TNFSF4: variants seen among roughly 807,000 people sequenced by gnomAD.
TNFSF4 encodes the protein tumor necrosis factor ligand superfamily member 4.
TNFSF4 carries 4 observed loss-of-function variants against 7.3 expected under a neutral mutation model. That is an observed-to-expected ratio of 0.55 (90% CI 0.27 to 1.25). The LOEUF is 1.25. TNFSF4 is among the 50% of genes most tolerant of loss of function. The probability of loss-of-function intolerance (pLI) is 0.12; values close to 1 mark genes in which losing one functional copy is unlikely to be tolerated. For missense variants in TNFSF4, 181 were observed against 208.8 expected (o/e 0.87, Z 0.82); for synonymous variants, 76 against 83.7 (o/e 0.91, Z 0.50).
rs375266956 is a variant in TNFSF4, at chr1:173,186,867, T to C, written c.203-2A>G. 6.4e-7 allele frequency: 1 copy of C among 1,559,266 alleles called. No individual in the cohort carries two copies. The highest frequency in any genetic ancestry group is 8.7e-7 in the Non-Finnish European group (1 of 1,152,186). On this transcript the variant is annotated splice_acceptor_variant, in intron 2 of 2. Transcript: ENST00000281834. LOFTEE classifies it high-confidence loss of function. ...TGAAACCTTTCTCCTTCTTATATTCTAGGGAGGATAGGGGAAAATTTGTTT... is the reference window on the plus strand; with the variant it reads ...TGAAACCTTTCTCCTTCTTATATTCCAGGGAGGATAGGGGAAAATTTGTTT...
chr1:173,442,713 G>A, the TNFSF4 span, among the ~76,000 whole-genome samples: 88 of 151,978 alleles, frequency 5.8e-4, no homozygotes, highest in Non-Finnish European at 1.1e-3. Flanking sequence ...ACCATGCCTG[G>A]CTAATTTTTG....
At chr1:173,325,494 A>G in the TNFSF4 span, among the ~76,000 whole-genome samples, 1 of 152,192 alleles carries the variant, frequency 6.6e-6, no homozygotes, top group East Asian at 1.9e-4. Flanking sequence ...AAGCTAGCAG[A>G]AGGCAAGAAA....
the TNFSF4 span, among the ~76,000 whole-genome samples, chr1:173,250,084 T>C: frequency 0.012 from 1,894 of 152,334 alleles, 34 homozygotes; most frequent in African/African-American, 0.044. Context: ...GAAAATTTAG[T>C]GCTGAGCATA....
the TNFSF4 span, among the ~76,000 whole-genome samples, chr1:173,240,202 T>C: frequency 6.6e-6 from 1 of 152,120 alleles, no homozygotes; most frequent in East Asian, 1.9e-4. Flanking sequence ...TACACAGAAT[T>C]GAGTTAAATA....
chr1:173,414,658 G>A, the TNFSF4 span, among the ~76,000 whole-genome samples: 1 of 152,238 alleles, frequency 6.6e-6, no homozygotes, highest in Non-Finnish European at 1.5e-5. Flanking sequence ...TCATAGAGCA[G>A]TGAGAAATGA....
chr1:173,262,457 C>T, the TNFSF4 span, among the ~76,000 whole-genome samples: 2 of 152,044 alleles, frequency 1.3e-5, no homozygotes, highest in Non-Finnish European at 2.9e-5. Flanking sequence ...TCCTATTCAA[C>T]CTAGTATTGG....
chr1:173,446,274 A>G, the TNFSF4 span, among the ~76,000 whole-genome samples: 2 of 152,184 alleles, frequency 1.3e-5, no homozygotes, highest in African/African-American at 4.8e-5. Flanking sequence ...ATAAAAAAAA[A>G]GAACCATCTT....
chr1:173,399,080 C>A, the TNFSF4 span, among the ~76,000 whole-genome samples: 8 of 152,174 alleles, frequency 5.3e-5, no homozygotes, highest in African/African-American at 1.7e-4. Context: ...ATCTGACCCA[C>A]CAAGCCATAA....
chr1:173,282,462 A>ATT, the TNFSF4 span, among the ~76,000 whole-genome samples: 19 of 146,580 alleles, frequency 1.3e-4, no homozygotes, highest in Admixed American at 2.7e-4. Context: ...CACAGTCTAA[A>ATT]TTTTTTTTTT....
chr1:173,441,185 C>A, the TNFSF4 span, among the ~76,000 whole-genome samples: 1 of 152,180 alleles, frequency 6.6e-6, no homozygotes, highest in Admixed American at 6.5e-5. Context: ...CCACAGTCCA[C>A]TTTTTTCTCC....
the TNFSF4 span, among the ~76,000 whole-genome samples, chr1:173,373,331 C>A: frequency 6.6e-6 from 1 of 152,228 alleles, no homozygotes; most frequent in Non-Finnish European, 1.5e-5. Context: ...CCAGGAGGAA[C>A]CTCCCATTAG....
chr1:173,408,369 T>C, the TNFSF4 span, among the ~76,000 whole-genome samples: 1 of 152,074 alleles, frequency 6.6e-6, no homozygotes, highest in Admixed American at 6.5e-5. Context: ...TAGAACCCAA[T>C]AGATAAAATA....
the TNFSF4 span, among the ~76,000 whole-genome samples, chr1:173,312,856 G>A: frequency 1.3e-4 from 20 of 152,192 alleles, no homozygotes; most frequent in South Asian, 2.3e-3. Context: ...CCTGCTACAC[G>A]TGGATCCAGG....
At chr1:173,190,029 G>C (rs1045215472) in intron 1 of TNFSF4, among the ~76,000 whole-genome samples, 12 of 149,756 alleles carry the variant, frequency 8.0e-5, no homozygotes, top group Non-Finnish European at 1.3e-4. Context: ...GGCCAACATG[G>C]TGAAACCCCA....
chr1:173,245,179 T>C, the TNFSF4 span, among the ~76,000 whole-genome samples: 1 of 152,092 alleles, frequency 6.6e-6, no homozygotes, highest in East Asian at 1.9e-4. Flanking sequence ...CACTTCAAAA[T>C]AGCAAAAAGT....
At chr1:173,330,948 G>A in the TNFSF4 span, among the ~76,000 whole-genome samples, 3 of 148,896 alleles carry the variant, frequency 2.0e-5, no homozygotes, top group Non-Finnish European at 4.4e-5. Flanking sequence ...GCAATGGCGC[G>A]ATCTCGGCTC....
chr1:173,446,718 C>A, the TNFSF4 span, among the ~76,000 whole-genome samples: 2 of 152,200 alleles, frequency 1.3e-5, no homozygotes, highest in South Asian at 2.1e-4. Flanking sequence ...TTCTCCCCTG[C>A]TGGATGCTTC....
the TNFSF4 span, among the ~76,000 whole-genome samples, chr1:173,308,903 T>C: frequency 1.3e-5 from 2 of 151,902 alleles, no homozygotes; most frequent in South Asian, 2.1e-4. Context: ...AGAAGCTGTA[T>C]TGATGTTTAT....
At chr1:173,261,047 C>T in the TNFSF4 span, among the ~76,000 whole-genome samples, 2 of 152,170 alleles carry the variant, frequency 1.3e-5, no homozygotes, top group Admixed American at 6.5e-5. Flanking sequence ...TTCTTCTCGG[C>T]ACCACATGGC....
Sources: allele counts gnomAD v4.1 joint callset (sites outside exome capture counted in the v4.1 genomes callset), GRCh38; gene constraint gnomAD v4.1.1; transcripts MANE v1.5; gene names NCBI Gene and HGNC (gene_info 2026-07-23, HGNC 2026-07-21).